The following SLC1A6 variants were observed in gnomAD, a reference collection of about 807,000 sequenced individuals.
SLC1A6 encodes the protein solute carrier family 1 member 6.
SLC1A6 carries 15 observed loss-of-function variants against 42.1 expected under a neutral mutation model. The ratio of observed to expected loss-of-function variants is 0.36; its 90% CI spans 0.24 to 0.55. The LOEUF is 0.55. Among genes scored for constraint, SLC1A6 ranks in the 20% least tolerant of loss-of-function variants. The pLI, the probability that SLC1A6 is intolerant of heterozygous loss-of-function variation, is 0.88. For missense variants in SLC1A6, 542 were observed against 772.5 expected (o/e 0.70, Z 3.54); for synonymous variants, 317 against 319.7 (o/e 0.99, Z 0.09).
chr19:15,003,249 A>T (rs1341401654), intron 1 of SLC1A6, among the ~76,000 whole-genome samples: 4 of 152,134 alleles, frequency 2.6e-5, no homozygotes, highest in African/African-American at 9.7e-5. Context: ...AAGTGCTGGG[A>T]TTACAGGCAT....
intron 6 of SLC1A6, chr19:14,961,741 A>G (rs1215873043): frequency 4.5e-6 from 2 of 445,006 alleles, no homozygotes; most frequent in South Asian, 3.3e-5. Context: ...GCAGAAGGAC[A>G]TGAATGAATG....
chr19:14,954,093 T>A, intron 8 of SLC1A6, 42 bp downstream of exon 8: 2 of 1,421,390 alleles, frequency 1.4e-6, no homozygotes, highest in Non-Finnish European at 1.9e-6. Flanking sequence ...TGATGACCGC[T>A]TAAGTCTCAC....
intron 1 of SLC1A6, among the ~76,000 whole-genome samples, chr19:14,992,070 C>T (rs2145232919): frequency 6.6e-6 from 1 of 152,322 alleles, no homozygotes; most frequent in East Asian, 1.9e-4. Context: ...AGGTGATCCA[C>T]CCGCCTCAGC....
intron 6 of SLC1A6, among the ~76,000 whole-genome samples, chr19:14,959,889 C>G (rs938308544): frequency 5.9e-5 from 9 of 152,194 alleles, no homozygotes. Flanking sequence ...GCTTCCTTCT[C>G]CAAGTTCCCA....
intron 1 of SLC1A6, among the ~76,000 whole-genome samples, chr19:15,008,460 G>T (rs546278913): frequency 6.6e-6 from 1 of 152,248 alleles, no homozygotes; most frequent in South Asian, 2.1e-4. Flanking sequence ...CACTGTTGGT[G>T]GGGATGCAAA....
intron 1 of SLC1A6, among the ~76,000 whole-genome samples, chr19:15,000,271 T>C (rs974035986): frequency 1.3e-5 from 2 of 152,220 alleles, no homozygotes; most frequent in Non-Finnish European, 2.9e-5. Context: ...CTATGCAATA[T>C]ACTGTTATTA....
At chr19:14,982,360 T>A (rs1218674753), upstream of SLC1A6, among the ~76,000 whole-genome samples, 1 of 152,070 alleles carries the variant, frequency 6.6e-6, no homozygotes, top group African/African-American at 2.4e-5. Flanking sequence ...TGAAACCCCG[T>A]ATCTACTAAA....
intron 1 of SLC1A6, among the ~76,000 whole-genome samples, chr19:14,986,739 C>A (rs948475533): frequency 5.3e-5 from 8 of 151,830 alleles, no homozygotes; most frequent in Non-Finnish European, 1.0e-4. Flanking sequence ...TACAGGTGTG[C>A]GCCACCAGGT....
In SLC1A6 at chr19:14,979,641, G is replaced by C. The variant is rs1208506692; in HGVS notation, c.-340C>G. The C allele has an allele frequency of 6.6e-6, 1 of 151,632 alleles. No individual in the cohort carries two copies. The highest frequency in any genetic ancestry group is 2.4e-5 in the African/African-American group (1 of 41,352). The allele number at this position is 151,632 out of a possible 1,614,324, so 9.4% of individuals were successfully genotyped here. On this transcript the variant is annotated 5_prime_UTR_variant, in exon 1 of 10. Transcript: ENST00000594383. The surrounding 1 kb of genome is among the most constrained non-coding windows in gnomAD (Gnocchi z 4.2). The stretch of plus-strand genomic sequence containing the variant: ...GACCCGCCAGGGACTGTGCAGCACC[G>C]GCGCGGGGACCGGACCGTGGAGGCA...
At chr19:15,002,072 C>CTTTTA (rs1194425277) in intron 1 of SLC1A6, among the ~76,000 whole-genome samples, 1 of 151,940 alleles carries the variant, frequency 6.6e-6, no homozygotes, top group Non-Finnish European at 1.5e-5. Flanking sequence ...CGCTATTTCT[C>CTTTTA]TTTTATTTTA....
At chr19:14,966,245 A>G (rs191263439) in intron 4 of SLC1A6, among the ~76,000 whole-genome samples, 153 of 152,308 alleles carry the variant, frequency 1.0e-3, no homozygotes, top group African/African-American at 3.6e-3. Flanking sequence ...TAATCTCAGC[A>G]GTTTAAGAGG....
intron 6 of SLC1A6, among the ~76,000 whole-genome samples, chr19:14,957,174 G>A (rs1252570970): frequency 2.6e-5 from 4 of 152,190 alleles, no homozygotes; most frequent in African/African-American, 9.6e-5. Flanking sequence ...ATCAGTGCCT[G>A]TTATCACTCA....
intron 6 of SLC1A6, 128 bp from the exon 7 acceptor site, chr19:14,956,837 T>C (rs1173402506): frequency 1.6e-6 from 1 of 607,716 alleles, no homozygotes; most frequent in Admixed American, 3.1e-5. Context: ...TACGGCACCC[T>C]ACTCCATCCC....
chr19:14,989,421 C>A (rs147093709), intron 1 of SLC1A6, among the ~76,000 whole-genome samples: 1 of 151,998 alleles, frequency 6.6e-6, no homozygotes, highest in East Asian at 2.0e-4. Context: ...ACCACCACGC[C>A]TGGCTAATTT....
intron 1 of SLC1A6, among the ~76,000 whole-genome samples, chr19:15,006,035 C>A (rs761008484): frequency 3.9e-5 from 6 of 152,254 alleles, no homozygotes; most frequent in Admixed American, 1.3e-4. Context: ...CATGAGGTGT[C>A]TCCCTGGTTC....
chr19:14,951,261 A>AC (rs2045409543), intron 9 of SLC1A6, among the ~76,000 whole-genome samples: 1 of 129,034 alleles, frequency 7.7e-6, no homozygotes, highest in African/African-American at 2.8e-5. Flanking sequence ...CACAAAAAAA[A>AC]AAAAAAAAAA....
chr19:14,998,516 G>T (rs8099959), intron 1 of SLC1A6, among the ~76,000 whole-genome samples: 14,823 of 152,034 alleles, frequency 0.097, 883 homozygotes, highest in East Asian at 0.2. Context: ...ACTCCAGCCT[G>T]GGCAACAGAG....
At position 14,971,970 on chromosome 19, in the gene SLC1A6, G is replaced by T. The variant is rs370345932; in HGVS notation, c.206-96C>A. The T allele has an allele frequency of 3.3e-5, 40 of 1,197,602 alleles. No individual in the cohort carries two copies. In the South Asian group the frequency reaches 4.7e-4, roughly 14 times the overall value. The allele number at this position is 1,197,602 out of a possible 1,614,324, so 74.2% of individuals were successfully genotyped here. ...CAAGAAGGGTAGGGCAAGGGTGGGA[G>T]TGAGGGAGAGAAATATCCTATGAGT... On this transcript the variant is annotated intron_variant, in intron 2 of 9. Transcript: ENST00000594383.
At chr19:15,003,318 T>C (rs2045880983) in intron 1 of SLC1A6, among the ~76,000 whole-genome samples, 1 of 152,146 alleles carries the variant, frequency 6.6e-6, no homozygotes, top group Admixed American at 6.5e-5. Context: ...GGTACAGCCA[T>C]AGACACAGGT....
Sources: allele counts gnomAD v4.1 joint callset (sites outside exome capture counted in the v4.1 genomes callset), GRCh38; gene constraint gnomAD v4.1.1; non-coding constraint Gnocchi (gnomAD v3.1); transcripts MANE v1.5; gene names NCBI Gene and HGNC (gene_info 2026-07-23, HGNC 2026-07-21).